CHRNA7: variants seen among roughly 807,000 people sequenced by gnomAD.
CHRNA7 encodes cholinergic receptor nicotinic alpha 7 subunit.
CHRNA7 carries 17 observed loss-of-function variants against 48.0 expected under a neutral mutation model. The ratio of observed to expected loss-of-function variants is 0.35; its 90% CI spans 0.24 to 0.53. The LOEUF (loss-of-function observed/expected upper bound fraction) is 0.53. Among genes scored for constraint, CHRNA7 ranks in the 20% least tolerant of loss-of-function variants. CHRNA7 has a pLI of 0.92. For synonymous variants in CHRNA7, 75 were observed against 242.3 expected (o/e 0.31, Z 6.41); for missense variants, 155 against 577.7 (o/e 0.27, Z 7.50).
chr15:32,097,725 A>G (rs945886066), intron 2 of CHRNA7, among the ~76,000 whole-genome samples: 2 of 152,218 alleles, frequency 1.3e-5, no homozygotes, highest in African/African-American at 4.8e-5. Flanking sequence ...CTAAATGTGC[A>G]TATTTATTCA....
intron 3 of CHRNA7, among the ~76,000 whole-genome samples, chr15:32,110,117 T>C (rs1331899261): frequency 2.0e-5 from 3 of 152,186 alleles, no homozygotes; most frequent in Non-Finnish European, 4.4e-5. Flanking sequence ...TGATAATTAG[T>C]GACCGACACA....
intron 2 of CHRNA7, among the ~76,000 whole-genome samples, chr15:32,066,572 G>C (rs1230134917): frequency 6.6e-6 from 1 of 152,158 alleles, no homozygotes; most frequent in African/African-American, 2.4e-5. Context: ...GAGCCACCAT[G>C]CCCAGCCACA....
chr15:32,077,107 C>T (rs576158935), intron 2 of CHRNA7, among the ~76,000 whole-genome samples: 11 of 152,036 alleles, frequency 7.2e-5, no homozygotes, highest in Non-Finnish European at 1.6e-4. Context: ...AAAGTTCCTC[C>T]ATGTCTTTTT....
chr15:32,036,729 C>A (rs946147179), intron 2 of CHRNA7, among the ~76,000 whole-genome samples: 13 of 147,078 alleles, frequency 8.8e-5, no homozygotes, highest in African/African-American at 2.7e-4. Flanking sequence ...TGTAGGTCTT[C>A]TTTGGTAAGG....
At chr15:32,065,790 G>A (rs1283335948) in intron 2 of CHRNA7, among the ~76,000 whole-genome samples, 1 of 152,110 alleles carries the variant, frequency 6.6e-6, no homozygotes, top group East Asian at 1.9e-4. Context: ...GCTGTCAGCT[G>A]CCTGGCTGTG....
rs34476605 is a variant in CHRNA7, at chr15:32,101,283, C to CTTT, written c.196-7_196-5dup. On this transcript the variant is annotated intron_variant, in intron 2 of 9. Transcript: ENST00000306901. ...GTAAACCATATTATTTATGCTGCTG[C>CTTT]TTTTTTTTTTTTTTTGAAGGATGAG... 0.018 allele frequency: 26,608 copies of CTTT among 1,443,132 alleles called. 70 individuals carry two copies. The highest frequency in any genetic ancestry group is 0.031 in the African/African-American group (2,092 of 66,610). The allele number at this position is 1,443,132 out of a possible 1,614,324, so 89.4% of individuals were successfully genotyped here.
intron 4 of CHRNA7, among the ~76,000 whole-genome samples, chr15:32,142,393 T>A (rs2051398782): frequency 6.6e-6 from 1 of 152,218 alleles, no homozygotes; most frequent in Non-Finnish European, 1.5e-5. Context: ...TTTTTGGTTG[T>A]GTCTCTGCCC....
rs1304191851 is a variant in CHRNA7 at position 32,156,182 on chromosome 15, TTC to T, written c.431-1422_431-1421del. On this transcript the variant is annotated intron_variant, in intron 5 of 9. Transcript: ENST00000306901. The stretch of plus-strand genomic sequence containing the variant: ...CTGATCTGCTTTCTGTCTCTAGAAA[TTC>T]TCTGTCTGTCTCGGGCCATTATTTC... 5.8e-5 allele frequency: 8 copies of T among 137,234 alleles called. 1 individual carries two copies. Among genetic ancestry groups the T allele is most frequent in the African/African-American group, 2.3e-4 (8 of 34,224 alleles). 8.5% of individuals were successfully genotyped at this position (137,234 alleles called of 1,614,324 possible).
At chr15:32,050,434 G>T (rs1052560475) in intron 2 of CHRNA7, among the ~76,000 whole-genome samples, 1 of 151,998 alleles carries the variant, frequency 6.6e-6, no homozygotes, top group Non-Finnish European at 1.5e-5. Flanking sequence ...CCAGTTGATC[G>T]CATCGGCTCC....
Position 32,111,080 on chromosome 15 carries a change from G to A in CHRNA7, c.241-710G>A, listed in dbSNP as rs183185810. 9.8e-5 allele frequency: 15 copies of A among 152,364 alleles called. No individual in the cohort carries two copies. In the East Asian group the frequency reaches 2.7e-3, roughly 27 times the overall value. 9.4% of individuals were successfully genotyped at this position (152,364 alleles called of 1,614,324 possible). ...GAGCTTGTGGGCTCCAGGAAGGGCT[G>A]TTTAGCACCTGATCCTCGGAGGGAT... On this transcript the variant is annotated intron_variant, in intron 3 of 9. Transcript: ENST00000306901.
intron 2 of CHRNA7, among the ~76,000 whole-genome samples, chr15:32,054,863 C>T (rs2141194752): frequency 6.6e-6 from 1 of 152,326 alleles, no homozygotes; most frequent in East Asian, 1.9e-4. Flanking sequence ...TGTTACATGT[C>T]TTCTGACGGA....
At chr15:32,134,193 C>G (rs2051205996) in intron 4 of CHRNA7, among the ~76,000 whole-genome samples, 2 of 151,768 alleles carry the variant, frequency 1.3e-5, no homozygotes, top group South Asian at 4.2e-4. Flanking sequence ...GAGTCTGGCT[C>G]TGTCTCCCAG....
At chr15:32,069,676 T>G (rs1390259027) in intron 2 of CHRNA7, among the ~76,000 whole-genome samples, 1 of 152,124 alleles carries the variant, frequency 6.6e-6, no homozygotes, top group Non-Finnish European at 1.5e-5. Context: ...CTAAGAAAAC[T>G]CCACTGAATT....
intron 4 of CHRNA7, among the ~76,000 whole-genome samples, chr15:32,143,470 T>C (rs2051423345): frequency 6.6e-6 from 1 of 152,198 alleles, no homozygotes; most frequent in Admixed American, 6.5e-5. Context: ...AAATCCTGGG[T>C]ATTCTTGTTA....
At chr15:32,062,603 C>G (rs1451388736) in intron 2 of CHRNA7, among the ~76,000 whole-genome samples, 2 of 152,134 alleles carry the variant, frequency 1.3e-5, no homozygotes, top group African/African-American at 2.4e-5. Context: ...TTTCCTAGCT[C>G]TGTTCTGCAG....
At chr15:32,086,898 T>TA (rs1290900014) in intron 2 of CHRNA7, among the ~76,000 whole-genome samples, 1 of 152,210 alleles carries the variant, frequency 6.6e-6, no homozygotes, top group African/African-American at 2.4e-5. Flanking sequence ...CAATATGACT[T>TA]ACTGTTGCTG....
intron 4 of CHRNA7, among the ~76,000 whole-genome samples, chr15:32,144,462 G>T (rs1463155165): frequency 3.9e-5 from 6 of 152,178 alleles, no homozygotes; most frequent in Admixed American, 3.3e-4. Context: ...ATGTTGGCCT[G>T]CCTTGCTAGG....
chr15:32,034,978 T>C (rs1223061238), intron 2 of CHRNA7, among the ~76,000 whole-genome samples: 1 of 152,118 alleles, frequency 6.6e-6, no homozygotes, highest in Non-Finnish European at 1.5e-5. Flanking sequence ...GAAACTAGGA[T>C]GGCCACTGTG....
chr15:32,141,583 CCT>C (rs1481500498), intron 4 of CHRNA7, among the ~76,000 whole-genome samples: 1 of 152,152 alleles, frequency 6.6e-6, no homozygotes, highest in Non-Finnish European at 1.5e-5. Flanking sequence ...TTGTTTGTGT[CCT>C]CTTTTATTTC....
Sources: gnomAD v4.1 joint callset for allele counts (sites outside exome capture counted in the v4.1 genomes callset) on GRCh38, gnomAD v4.1.1 for gene constraint, MANE v1.5 for transcripts, NCBI Gene and HGNC (gene_info 2026-07-23, HGNC 2026-07-21) for gene names.